The following ACTR3C variants were observed in gnomAD, a reference collection of about 807,000 sequenced individuals.
ACTR3C encodes the protein actin-related protein 3C.
A neutral mutation model predicts 26.3 loss-of-function variants in ACTR3C; 18 were observed. That is an observed-to-expected ratio of 0.68 (90% CI 0.47 to 1.01). The LOEUF is 1.01. ACTR3C is among the 50% of genes least tolerant of loss of function. The pLI, the probability that ACTR3C is intolerant of heterozygous loss-of-function variation, is 0.00. For missense variants in ACTR3C, 184 were observed against 250.7 expected (o/e 0.73, Z 1.80); for synonymous variants, 55 against 94.5 (o/e 0.58, Z 2.42).
At chr7:150,263,895 A>G (rs1357311528) in intron 6 of ACTR3C, among the ~76,000 whole-genome samples, 1 of 152,250 alleles carries the variant, frequency 6.6e-6, no homozygotes, top group Non-Finnish European at 1.5e-5. Context: ...AAATCATTTC[A>G]TGGCTGAATC....
At chr7:150,208,093 T>C in the ACTR3C span, among the ~76,000 whole-genome samples, 2 of 152,204 alleles carry the variant, frequency 1.3e-5, no homozygotes, top group Non-Finnish European at 2.9e-5. Context: ...AGGACACTGA[T>C]TTCTGATAGA....
chr7:150,206,898 T>G, the ACTR3C span, among the ~76,000 whole-genome samples: 1 of 152,384 alleles, frequency 6.6e-6, no homozygotes, highest in African/African-American at 2.4e-5. Context: ...TTTTTATTTT[T>G]TCATATCATG....
chr7:150,190,127 T>C, the ACTR3C span, among the ~76,000 whole-genome samples: 1 of 152,228 alleles, frequency 6.6e-6, no homozygotes, highest in Non-Finnish European at 1.5e-5. Context: ...GGTATTTCAT[T>C]GTGGTTGGAA....
the ACTR3C span, among the ~76,000 whole-genome samples, chr7:149,917,663 G>T: frequency 1.8e-4 from 2 of 11,058 alleles, 1 homozygote; most frequent in Non-Finnish European, 9.7e-3. Context: ...TTGAGACAGG[G>T]TCTCACTCTG....
the ACTR3C span, among the ~76,000 whole-genome samples, chr7:150,030,751 C>T: frequency 6.6e-6 from 1 of 152,072 alleles, no homozygotes; most frequent in African/African-American, 2.4e-5. Flanking sequence ...TCCCACACAC[C>T]CCTCCCACCA....
intron 3 of ACTR3C, among the ~76,000 whole-genome samples, chr7:150,291,985 C>G (rs1467989001): frequency 1.3e-5 from 2 of 150,936 alleles, no homozygotes; most frequent in African/African-American, 4.9e-5. Flanking sequence ...GACTGTAGGC[C>G]CATCGACCAT....
the ACTR3C span, among the ~76,000 whole-genome samples, chr7:150,029,338 C>T: frequency 2.7e-5 from 4 of 147,616 alleles, no homozygotes; most frequent in East Asian, 8.0e-4. Flanking sequence ...GGTGGGAGGA[C>T]TGCTTGAGCC....
the ACTR3C span, among the ~76,000 whole-genome samples, chr7:149,984,846 G>A: frequency 6.6e-6 from 1 of 152,154 alleles, no homozygotes; most frequent in Non-Finnish European, 1.5e-5. Context: ...GTAAAGGAGG[G>A]CAAATTGGAA....
chr7:150,175,832 A>AAAG, the ACTR3C span, among the ~76,000 whole-genome samples: 45 of 145,982 alleles, frequency 3.1e-4, no homozygotes, highest in African/African-American at 1.2e-3. Flanking sequence ...AAAAAAAAAA[A>AAAG]AAAGAAAGAA....
chr7:149,947,704 C>G, the ACTR3C span, among the ~76,000 whole-genome samples: 1 of 136,810 alleles, frequency 7.3e-6, no homozygotes, highest in Middle Eastern at 3.3e-3. Context: ...ACAGCTGGAG[C>G]CTGTGTTCCT....
the ACTR3C span, among the ~76,000 whole-genome samples, chr7:150,183,558 T>G: frequency 6.7e-6 from 1 of 149,824 alleles, no homozygotes; most frequent in Non-Finnish European, 1.5e-5. Flanking sequence ...AATTACTCTC[T>G]GATCATCAGC....
chr7:150,037,497 G>T, the ACTR3C span, among the ~76,000 whole-genome samples: 2 of 59,426 alleles, frequency 3.4e-5, 1 homozygote, highest in African/African-American at 1.1e-4. Context: ...ACAGCCGGGG[G>T]TGGAAGAGGG....
the ACTR3C span, among the ~76,000 whole-genome samples, chr7:150,041,176 GGGATCCCCATTTCAAAAGTTCC>G: frequency 6.7e-6 from 1 of 150,318 alleles, no homozygotes; most frequent in African/African-American, 2.5e-5. Flanking sequence ...TGCTGTTGTT[GGGATCCCCATTTCAAAAGTTCC>G]GGGTCCCCGA....
chr7:150,038,601 C>A, the ACTR3C span, among the ~76,000 whole-genome samples: 1 of 145,518 alleles, frequency 6.9e-6, no homozygotes, highest in South Asian at 2.1e-4. Flanking sequence ...TTGCAAATAA[C>A]CTGCTTTCTT....
the ACTR3C span, among the ~76,000 whole-genome samples, chr7:149,986,492 G>A: frequency 6.6e-6 from 1 of 152,140 alleles, no homozygotes; most frequent in Non-Finnish European, 1.5e-5. Flanking sequence ...GCTTCTTTTT[G>A]ATTCAGTCAT....
the ACTR3C span, among the ~76,000 whole-genome samples, chr7:150,059,523 T>C: frequency 6.6e-6 from 1 of 152,194 alleles, no homozygotes; most frequent in Non-Finnish European, 1.5e-5. Context: ...GAACATGTTT[T>C]GTGAGATGTT....
the ACTR3C span, among the ~76,000 whole-genome samples, chr7:149,971,636 A>T: frequency 1.3e-5 from 2 of 152,370 alleles, no homozygotes; most frequent in Admixed American, 1.3e-4. Flanking sequence ...AGGACTTCGA[A>T]GAATGAGTTT....
chr7:149,899,942 C>A, the ACTR3C span, among the ~76,000 whole-genome samples: 1 of 128,800 alleles, frequency 7.8e-6, no homozygotes. Flanking sequence ...CATTTCTCAT[C>A]AGAAATCTTG....
At chr7:150,229,489 CT>C in the ACTR3C span, among the ~76,000 whole-genome samples, 1 of 151,002 alleles carries the variant, frequency 6.6e-6, no homozygotes, top group Non-Finnish European at 1.5e-5. Flanking sequence ...TAGAGTGAAT[CT>C]TTTTTTATTT....
Sources: allele counts gnomAD v4.1 joint callset (sites outside exome capture counted in the v4.1 genomes callset), GRCh38; gene constraint gnomAD v4.1.1; transcripts MANE v1.5; gene names NCBI Gene and HGNC (gene_info 2026-07-23, HGNC 2026-07-21).